Variants in AFAP1L2 observed in about 807,000 individuals in gnomAD.
AFAP1L2 encodes actin filament-associated protein 1-like 2.
Under a neutral mutation model 99.3 loss-of-function variants are expected in AFAP1L2, and 46 were observed. The observed-to-expected ratio is 0.46, with a 90% CI of 0.37 to 0.59. The LOEUF (loss-of-function observed/expected upper bound fraction) is 0.59. AFAP1L2 is among the 20% of genes least tolerant of loss of function. The pLI is 0.00. For synonymous variants in AFAP1L2, 397 were observed against 419.1 expected, an observed-to-expected ratio of 0.95 and a Z score of 0.64; for missense variants, 959 against 1,034.9, an observed-to-expected ratio of 0.93 and a Z score of 1.01.
chr10:114,382,905 T>C (rs1590757874), intron 1 of AFAP1L2, among the ~76,000 whole-genome samples: 1 of 152,274 alleles, frequency 6.6e-6, no homozygotes, highest in African/African-American at 2.4e-5. Flanking sequence ...ATATTATGTA[T>C]ATTTCAAAGT....
intron 1 of AFAP1L2, among the ~76,000 whole-genome samples, chr10:114,346,161 T>A (rs1318527540): frequency 6.6e-6 from 1 of 151,290 alleles, no homozygotes; most frequent in African/African-American, 2.4e-5. Context: ...TGAGAGAGAG[T>A]CAAAAGGGAA....
chr10:114,281,599 C>A, the AFAP1L2 span: 1 of 316,430 alleles, frequency 3.2e-6, no homozygotes, highest in African/African-American at 2.3e-5. Context: ...CTCCAGCAGA[C>A]CTGAGAAGTC....
At chr10:114,281,696 G>T in the AFAP1L2 span, 1 of 981,882 alleles carries the variant, frequency 1.0e-6, no homozygotes, top group African/African-American at 1.7e-5. Flanking sequence ...GCACACCTGG[G>T]GTGGAGGGGC....
At chr10:114,303,205 C>T (rs1420216756) in intron 11 of AFAP1L2, among the ~76,000 whole-genome samples, 1 of 152,108 alleles carries the variant, frequency 6.6e-6, no homozygotes, top group East Asian at 1.9e-4. Flanking sequence ...GAAAATCAGC[C>T]CCCTTTGGTA....
At chr10:114,327,574 C>T (rs1004464833) in intron 4 of AFAP1L2, among the ~76,000 whole-genome samples, 3 of 152,126 alleles carry the variant, frequency 2.0e-5, no homozygotes, top group Non-Finnish European at 4.4e-5. Context: ...GGCCGCAAAT[C>T]TTTTCAGGAA....
intron 1 of AFAP1L2, among the ~76,000 whole-genome samples, chr10:114,396,566 T>C (rs548508017): frequency 1.3e-5 from 2 of 152,278 alleles, no homozygotes; most frequent in South Asian, 4.1e-4. Flanking sequence ...CTAGCTAGCA[T>C]AGACAAGCAG....
At chr10:114,321,738 T>C (rs11196697) in intron 5 of AFAP1L2, among the ~76,000 whole-genome samples, 5,325 of 152,216 alleles carry the variant, frequency 0.035, 286 homozygotes, top group African/African-American at 0.12. Flanking sequence ...ACCACTTCTT[T>C]CTGAATCTCA....
At chr10:114,286,484 GGGAAGCTGTGCAGCC>G in the AFAP1L2 span, 2 of 1,588,152 alleles carry the variant, frequency 1.3e-6, no homozygotes, top group South Asian at 2.2e-5. Flanking sequence ...TGAGCTGCAG[GGGAAGCTGTGCAGCC>G]GGCAGCGGCC....
At chr10:114,371,075 G>A (rs187934213) in intron 1 of AFAP1L2, among the ~76,000 whole-genome samples, 6 of 152,292 alleles carry the variant, frequency 3.9e-5, no homozygotes, top group Non-Finnish European at 8.8e-5. Flanking sequence ...ACAGGCTGGT[G>A]TCCACTGGGC....
chr10:114,318,732 CTCTG>C (rs1481239892), intron 5 of AFAP1L2, among the ~76,000 whole-genome samples: 10 of 16,278 alleles, frequency 6.1e-4, no homozygotes, highest in African/African-American at 9.2e-4. Context: ...CAGGGTGAGA[CTCTG>C]TCTAAAAAAA....
downstream of AFAP1L2, among the ~76,000 whole-genome samples, chr10:114,291,953 G>A (rs1024647292): frequency 1.3e-5 from 2 of 152,282 alleles, no homozygotes; most frequent in East Asian, 3.9e-4. Flanking sequence ...TCTGAGTCGT[G>A]AGCAGTGTCC....
At chr10:114,341,224 T>G (rs1313609120) in intron 1 of AFAP1L2, among the ~76,000 whole-genome samples, 1 of 152,204 alleles carries the variant, frequency 6.6e-6, no homozygotes, top group Non-Finnish European at 1.5e-5. Context: ...TTTGTAAAGT[T>G]CCTTCCAGTT....
downstream of AFAP1L2, chr10:114,291,317 G>A (rs1272175787): frequency 6.9e-7 from 1 of 1,459,696 alleles, no homozygotes; most frequent in Non-Finnish European, 9.2e-7. Context: ...CTGAAATGGT[G>A]CCTACCTTCT....
chr10:114,371,431 G>C (rs1050111104), intron 1 of AFAP1L2, among the ~76,000 whole-genome samples: 1 of 152,154 alleles, frequency 6.6e-6, no homozygotes, highest in Admixed American at 6.5e-5. Flanking sequence ...TAGACTGGCA[G>C]GGCAAAGCCC....
rs370972134 is a variant in AFAP1L2 at position 114,302,472 on chromosome 10, C to T, written c.1297G>A (p.Glu433Lys). Residue 433 changes from glutamate (E) to lysine (K), a missense_variant, in exon 12 of 19, where the codon GAG becomes AAG. Around this residue, in one of 2 missense-constraint regions of AFAP1L2, gnomAD observed 576 missense variants for 562.1 expected, o/e 1.02. Transcript: ENST00000304129. ...ELAKLEAKSS[E>K]EMGHWLGLLL... ...AGACCCAGCCAGTGGCCCATTTCCT[C>T]GGAAGACTTGGCCTGGAACGAGGCC... 62 of 1,613,960 alleles carry T rather than the reference C, an allele frequency of 3.8e-5. No homozygotes were observed. Among genetic ancestry groups the T allele is most frequent in the African/African-American group, 1.3e-4 (10 of 74,918 alleles).
At chr10:114,365,427 A>AT (rs573319183) in intron 1 of AFAP1L2, among the ~76,000 whole-genome samples, 3 of 152,294 alleles carry the variant, frequency 2.0e-5, no homozygotes, top group East Asian at 3.9e-4. Flanking sequence ...GTTTCAAATA[A>AT]TTTTTTTAAA....
At chr10:114,292,301 A>C (rs2039675916), downstream of AFAP1L2, among the ~76,000 whole-genome samples, 1 of 151,868 alleles carries the variant, frequency 6.6e-6, no homozygotes, top group South Asian at 2.1e-4. Context: ...TGTACTTAGG[A>C]GGGGTTAATT....
intron 1 of AFAP1L2, among the ~76,000 whole-genome samples, chr10:114,386,262 A>G (rs1053503184): frequency 6.6e-6 from 1 of 152,100 alleles, no homozygotes; most frequent in African/African-American, 2.4e-5. Context: ...GGAACTGGGC[A>G]TGGTGGCATG....
chr10:114,339,879 T>G (rs1486032524), intron 2 of AFAP1L2, among the ~76,000 whole-genome samples: 1 of 149,120 alleles, frequency 6.7e-6, no homozygotes, highest in Non-Finnish European at 1.5e-5. Flanking sequence ...GGCATGGTGG[T>G]GGGCGCCTGT....
Sources: allele counts gnomAD v4.1 joint callset (sites outside exome capture counted in the v4.1 genomes callset), GRCh38; gene constraint gnomAD v4.1.1; regional missense constraint gnomAD v4.1.1; transcripts MANE v1.5; gene names NCBI Gene and HGNC (gene_info 2026-07-23, HGNC 2026-07-21).